The following ACLY variants were observed in gnomAD, a reference collection of about 807,000 sequenced individuals.
ACLY encodes the protein ATP-citrate synthase.
ACLY carries 41 observed loss-of-function variants against 133.0 expected under a neutral mutation model. The ratio of observed to expected loss-of-function variants is 0.31; its 90% CI spans 0.24 to 0.40. ACLY has a LOEUF of 0.40. Among genes scored for constraint, ACLY ranks in the 10% least tolerant of loss-of-function variants. ACLY has a pLI of 1.00. For missense variants in ACLY, 1,046 were observed against 1,453.8 expected, an observed-to-expected ratio of 0.72 and a Z score of 4.56; for synonymous variants, 495 against 549.3, an observed-to-expected ratio of 0.90 and a Z score of 1.38.
chr17:41,908,743 G>A (rs755178417), intron 6 of ACLY, among the ~76,000 whole-genome samples: 6 of 152,304 alleles, frequency 3.9e-5, no homozygotes, highest in Non-Finnish European at 7.3e-5. Flanking sequence ...CAGCCTGGGC[G>A]ACAGGGCAAG....
intron 3 of ACLY, among the ~76,000 whole-genome samples, chr17:41,911,596 C>T (rs916328958): frequency 5.3e-5 from 8 of 152,100 alleles, no homozygotes; most frequent in African/African-American, 1.9e-4. Flanking sequence ...CAGGAGGATT[C>T]CCTGAGGCCA....
exon 1 of ACLY, chr17:41,930,449 T>A (rs1223601152): frequency 5.3e-6 from 2 of 376,818 alleles, no homozygotes; most frequent in African/African-American, 4.1e-5. Flanking sequence ...AGGCAGCAAC[T>A]CCAGAGAGAA....
In ACLY at chr17:41,898,782, T is replaced by C. The variant is rs1267861403; in HGVS notation, c.1187A>G (p.Lys396Arg). 1.2e-6 allele frequency: 2 copies of C among 1,613,250 alleles called. No homozygotes were observed. The highest frequency in any genetic ancestry group is 4.5e-5 in the East Asian group (2 of 44,870). The part of the protein sequence containing the change: ...EGLRVMGEVG[K>R]TTGIPIHVFG... ...GACATGGATGGGGATCCCAGTGGTC[T>C]TCCCTGCAAGGGAAGGAAAAAAAAA... Residue 396 changes from lysine to arginine, a missense_variant, in exon 12 of 29, where the codon AAG becomes AGG. This residue lies in a region of ACLY where 575 missense variants were observed against 804.2 expected (regional missense o/e 0.71). Transcript: ENST00000352035.
chr17:41,869,515 G>A lies in ACLY; in HGVS notation c.3010C>T (p.Leu1004Phe). The change falls in exon 26 of 29, where the codon CTC (leucine) becomes TTC (phenylalanine). Residue 1004 changes from leucine to phenylalanine, a missense_variant. Physicochemically the swap from Leu to Phe is conservative, Grantham distance 22. Transcript: ENST00000352035. Reference sequence around the variant, plus strand: ...TTCTCTACTTCCAGTGCATAATCGAGCAGAGGAGTGGCAGGGAAGTGCTGC... The same window carrying A: ...TTCTCTACTTCCAGTGCATAATCGAACAGAGGAGTGGCAGGGAAGTGCTGC... ...VRQHFPATPL[L>F]DYALEVEKIT... 2 of 1,614,134 alleles carry A rather than the reference G, an allele frequency of 1.2e-6. No homozygotes were observed. Among genetic ancestry groups the A allele is most frequent in the African/African-American group, 1.3e-5 (1 of 75,044 alleles).
chr17:41,917,985 C>T (rs960433926), intron 1 of ACLY, among the ~76,000 whole-genome samples: 2 of 152,196 alleles, frequency 1.3e-5, no homozygotes, highest in African/African-American at 4.8e-5. Context: ...TGCACTTTTC[C>T]TTATCGTCTC....
Position 41,905,974 on chromosome 17 carries a change from C to T in ACLY, c.867-316G>A, listed in dbSNP as rs545126284. ...AATCACACACTGCAGGAGTCCCTGA[C>T]GGGCTACCCAAGAGAAAGTGTGCTG... On this transcript the variant is annotated intron_variant, in intron 8 of 28. Transcript: ENST00000352035. 1.1e-4 allele frequency among the ~76,000 whole-genome samples: 17 copies of T among 152,284 alleles called. No individual in the cohort carries two copies. The South Asian group carries it at 1.9e-3, about 17-fold the overall frequency.
rs1555628447 is a variant in ACLY at position 41,887,599 on chromosome 17, A to G, written c.1875T>C (p.Thr625=). 6.2e-7 allele frequency: 1 copy of G among 1,613,676 alleles called. No homozygotes were observed. The highest frequency in any genetic ancestry group is 8.5e-7 in the Non-Finnish European group (1 of 1,179,652). The change falls in exon 17 of 29, where the codon ACT becomes ACC. Residue 625 remains threonine (T), a splice_region_variant and synonymous_variant. Transcript: ENST00000352035. ...QKGVTIIGPA[T]VGGIKPGCFK... ...AAGGCTTTCCGGAGGGGAAGCTCAC[A>G]GTGGCAGGTCCGATGATGGTCACTC...
Position 41,907,466 on chromosome 17 carries a change from G to T in ACLY, c.723C>A (p.Pro241=). 1 of 1,613,556 alleles carries T rather than the reference G, an allele frequency of 6.2e-7. No homozygotes were observed. Among genetic ancestry groups the T allele is most frequent in the East Asian group, 2.2e-5 (1 of 44,848 alleles). The change falls in exon 7 of 29, where the codon CCC becomes CCA. Residue 241 remains proline (P), a synonymous_variant. Coordinates refer to ENST00000352035, the MANE Select transcript of ACLY (RefSeq NM_001096.3). Reference sequence around the variant, plus strand: ...CCTCTGGATATGCCTCCCGCCCGAAGGGGGGAGGGAACTCGATGTCACCCC... The same window carrying T: ...CCTCTGGATATGCCTCCCGCCCGAATGGGGGAGGGAACTCGATGTCACCCC... ...VKWGDIEFPP[P]FGREAYPEEA...
In ACLY at chr17:41,898,779, G is replaced by A. The variant is rs1555630951; in HGVS notation, c.1190C>T (p.Thr397Ile). 2.5e-6 allele frequency: 4 copies of A among 1,613,572 alleles called. No individual in the cohort carries two copies. The highest frequency in any genetic ancestry group is 2.2e-5 in the East Asian group (1 of 44,872). Residue 397 changes from threonine (T) to isoleucine (I), a missense_variant, in exon 12 of 29, where the codon ACC becomes ATC. Thr to Ile is a moderately conservative substitution (Grantham distance 89, BLOSUM62 -1). Transcript: ENST00000352035. ...AAAGACATGGATGGGGATCCCAGTG[G>A]TCTTCCCTGCAAGGGAAGGAAAAAA... The part of the protein sequence containing the change: ...GLRVMGEVGK[T>I]TGIPIHVFGT...
chr17:41,912,683 A>G, intron 2 of ACLY, 141 bp from the exon 3 acceptor site: 1 of 1,048,806 alleles, frequency 9.5e-7, no homozygotes. Context: ...TTCAGAGTCA[A>G]CTCCTGGATG....
chr17:41,873,998 C>T lies in ACLY; in HGVS notation c.2488-33G>A. The T allele has an allele frequency of 3.2e-6, 5 of 1,557,920 alleles. No individual in the cohort carries two copies. In the South Asian group the frequency reaches 3.5e-5, roughly 11 times the overall value. ...GAGATGGGGAAGAGGGAAGCAGGGC[C>T]CTGGTGACCACCACAGATTTTTCCA... is the stretch of plus-strand genomic sequence containing the variant. On this transcript the variant is annotated intron_variant, in intron 22 of 28. Transcript: ENST00000352035.
chr17:41,869,406 A>G, intron 26 of ACLY, 68 bp downstream of exon 26: 1 of 1,280,342 alleles, frequency 7.8e-7, no homozygotes, highest in Middle Eastern at 2.6e-4. Context: ...TCAAAATGTA[A>G]CGTGGCTCCT....
At chr17:41,921,605 A>G (rs1020186607), upstream of ACLY, among the ~76,000 whole-genome samples, 4 of 152,132 alleles carry the variant, frequency 2.6e-5, no homozygotes, top group African/African-American at 9.7e-5. Context: ...GAGGCCAAGG[A>G]GGGCTTGAGC....
chr17:41,904,151 G>A, intron 10 of ACLY, among the ~76,000 whole-genome samples: 1 of 140,130 alleles, frequency 7.1e-6, no homozygotes, highest in African/African-American at 2.7e-5. Flanking sequence ...GAGGAAAGGA[G>A]GGAGGAAGAG....
rs2049546621 is a variant in ACLY, at chr17:41,901,712, C to T, written c.1167G>A (p.Arg389=). Residue 389 remains arginine (R), a synonymous_variant, in exon 11 of 29, where the codon CGG becomes CGA. Coordinates refer to ENST00000352035, the MANE Select transcript of ACLY (RefSeq NM_001096.3). The stretch of plus-strand genomic sequence containing the variant: ...TCATCTTACCGACTTCTCCCATCAC[C>T]CGTAAGCCCTCCTGATAGTTGGGGC... ...RGGPNYQEGL[R]VMGEVGKTTG... 1.2e-6 allele frequency: 2 copies of T among 1,611,192 alleles called. No homozygotes were observed. The highest frequency in any genetic ancestry group is 1.1e-5 in the South Asian group (1 of 90,800).
intron 5 of ACLY, among the ~76,000 whole-genome samples, chr17:41,909,290 TCAGA>T (rs1346015311): frequency 6.6e-6 from 1 of 152,060 alleles, no homozygotes; most frequent in Non-Finnish European, 1.5e-5. Flanking sequence ...GGCAGAGGTG[TCAGA>T]CAGACAGGGG....
intron 1 of ACLY, among the ~76,000 whole-genome samples, chr17:41,915,584 G>A (rs1445689643): frequency 2.0e-5 from 3 of 152,170 alleles, no homozygotes; most frequent in African/African-American, 7.2e-5. Flanking sequence ...TCAGCCTGGT[G>A]TCTGCCTAAA....
chr17:41,892,595 A>C (rs981417826), intron 15 of ACLY, 148 bp from the exon 16 acceptor site: 10 of 702,698 alleles, frequency 1.4e-5, no homozygotes, highest in Non-Finnish European at 2.1e-5. Flanking sequence ...AAGATCCCCC[A>C]GGAATACTGA....
chr17:41,879,509 CTTGGGCTCA>C (rs1429202527), intron 20 of ACLY, among the ~76,000 whole-genome samples: 2 of 147,490 alleles, frequency 1.4e-5, no homozygotes, highest in Non-Finnish European at 3.0e-5. Flanking sequence ...CCTTGGCCTC[CTTGGGCTCA>C]GGTAATCCTC....
Sources: allele counts gnomAD v4.1 joint callset (sites outside exome capture counted in the v4.1 genomes callset), GRCh38; gene constraint gnomAD v4.1.1; regional missense constraint gnomAD v4.1.1; transcripts MANE v1.5; gene names NCBI Gene and HGNC (gene_info 2026-07-23, HGNC 2026-07-21).